The following RPS6KA5 variants were observed in gnomAD, a reference collection of about 807,000 sequenced individuals.
RPS6KA5 encodes the protein ribosomal protein S6 kinase A5.
A neutral mutation model predicts 85.5 loss-of-function variants in RPS6KA5; 27 were observed. The observed-to-expected ratio is 0.32, with a 90% CI of 0.23 to 0.44. The LOEUF (loss-of-function observed/expected upper bound fraction) is 0.44, where lower values mean the gene tolerates loss of function less well. Ranked by LOEUF, RPS6KA5 falls within the 20% of genes least tolerant of loss-of-function variation. The pLI, the probability that RPS6KA5 is intolerant of heterozygous loss-of-function variation, is 1.00. For synonymous variants in RPS6KA5, 334 were observed against 348.2 expected, an observed-to-expected ratio of 0.96 and a Z score of 0.46; for missense variants, 811 against 980.9, an observed-to-expected ratio of 0.83 and a Z score of 2.31.
At chr14:90,936,823 C>T (rs1160588554) in intron 5 of RPS6KA5, among the ~76,000 whole-genome samples, 3 of 151,936 alleles carry the variant, frequency 2.0e-5, no homozygotes, top group African/African-American at 7.3e-5. Context: ...TTTCCCAGAC[C>T]AAATGAGGCC....
intron 12 of RPS6KA5, among the ~76,000 whole-genome samples, 177 bp downstream of exon 12, chr14:90,899,152 G>A (rs1321462772): frequency 6.6e-6 from 1 of 152,074 alleles, no homozygotes; most frequent in East Asian, 1.9e-4. Flanking sequence ...TTGGGGTTGG[G>A]AAACAGTGTG....
intron 3 of RPS6KA5, among the ~76,000 whole-genome samples, chr14:90,948,538 T>C (rs916329667): frequency 1.3e-5 from 2 of 151,862 alleles, no homozygotes; most frequent in African/African-American, 4.8e-5. Context: ...CTACTAAAAA[T>C]ACAAAAATTA....
chr14:90,860,036 C>T lies in RPS6KA5; in HGVS notation c.*12038G>A, dbSNP rs2032465685. ...GTGACAGGTTGATGGGTGCAGCAAA[C>T]CACCAGGGCACGTGTATACCTATGT... is the stretch of plus-strand genomic sequence containing the variant. On this transcript the variant is annotated 3_prime_UTR_variant, in exon 17 of 17. Coordinates refer to ENST00000614987, the MANE Select transcript of RPS6KA5 (RefSeq NM_004755.4). 6.6e-6 allele frequency: 1 copy of T among 152,130 alleles called. No homozygotes were observed. The highest frequency in any genetic ancestry group is 2.4e-5 in the African/African-American group (1 of 41,400). 9.4% of individuals were successfully genotyped at this position (152,130 alleles called of 1,614,324 possible). A position where few individuals can be genotyped will look rare whatever the true frequency, so the allele number is the denominator to read the frequency against.
intron 3 of RPS6KA5, among the ~76,000 whole-genome samples, chr14:90,977,154 T>C (rs2039603068): frequency 6.6e-6 from 1 of 152,208 alleles, no homozygotes; most frequent in Non-Finnish European, 1.5e-5. Flanking sequence ...CCTAGTGTAA[T>C]GGCTGGCATA....
chr14:91,032,276 A>G (rs1164428598), intron 1 of RPS6KA5, among the ~76,000 whole-genome samples: 1 of 152,220 alleles, frequency 6.6e-6, no homozygotes, highest in Admixed American at 6.5e-5. Context: ...GCAAAAGCTA[A>G]AACACATTTA....
intron 5 of RPS6KA5, among the ~76,000 whole-genome samples, chr14:90,939,013 G>C (rs138565243): frequency 7.4e-4 from 113 of 152,234 alleles, no homozygotes; most frequent in African/African-American, 2.6e-3. Flanking sequence ...CAAATTTTCC[G>C]AACTTTTATG....
At chr14:90,974,790 A>T (rs1020576383) in intron 3 of RPS6KA5, among the ~76,000 whole-genome samples, 1 of 152,262 alleles carries the variant, frequency 6.6e-6, no homozygotes, top group Non-Finnish European at 1.5e-5. Flanking sequence ...GAGTGAGCCC[A>T]GGCTAACCAT....
At chr14:91,009,960 T>C (rs1031796479) in intron 1 of RPS6KA5, among the ~76,000 whole-genome samples, 2 of 150,380 alleles carry the variant, frequency 1.3e-5, no homozygotes, top group African/African-American at 4.9e-5. Context: ...AAAAGAAGTA[T>C]CAATGCAGTC....
Position 90,936,562 on chromosome 14 carries a change from A to G in RPS6KA5, c.618+6516T>C, listed in dbSNP as rs576466007. On this transcript the variant is annotated intron_variant, in intron 5 of 16. Coordinates refer to ENST00000614987, the MANE Select transcript of RPS6KA5 (RefSeq NM_004755.4). ...CCAAGACCCCATCTTTTAAAAAAAA[A>G]ATACAAAAACAAAAAACCCAGAAAT... Among the ~76,000 whole-genome samples the G allele has an allele frequency of 1.1e-4, 16 of 152,262 alleles. No homozygotes were observed. The South Asian group carries it at 3.3e-3, about 32-fold the overall frequency.
At chr14:91,007,404 G>A (rs1445388802) in intron 1 of RPS6KA5, among the ~76,000 whole-genome samples, 1 of 152,144 alleles carries the variant, frequency 6.6e-6, no homozygotes, top group Non-Finnish European at 1.5e-5. Context: ...TTAAATATTA[G>A]TAAATTTGGA....
chr14:90,941,996 T>C (rs1157941775), intron 5 of RPS6KA5, among the ~76,000 whole-genome samples: 1 of 152,222 alleles, frequency 6.6e-6, no homozygotes, highest in African/African-American at 2.4e-5. Context: ...ATAACTACGA[T>C]ATTTGTATCA....
rs969345681 is a variant in RPS6KA5, at chr14:90,850,641, T to C, written c.*21433A>G. On this transcript the variant is annotated 3_prime_UTR_variant, in exon 17 of 17. Coordinates refer to ENST00000614987, the MANE Select transcript of RPS6KA5 (RefSeq NM_004755.4). ...AAGTAGTGAGGTAGCAGCCCCCACT[T>C]TCCCAAAAAGTTTTCAGGAAAAGGC... The C allele has an allele frequency of 6.6e-6, 1 of 152,212 alleles. No individual in the cohort carries two copies. Among genetic ancestry groups the C allele is most frequent in the African/African-American group, 2.4e-5 (1 of 41,468 alleles). 9.4% of individuals were successfully genotyped at this position (152,212 alleles called of 1,614,324 possible).
In RPS6KA5 at chr14:90,890,526, G is replaced by A. The variant is rs936278757; in HGVS notation, c.1797C>T (p.Tyr599=). Residue 599 remains tyrosine, a synonymous_variant, in exon 14 of 17, where the codon TAC becomes TAT. Transcript: ENST00000614987. ...AGCTCCACAGGTCACAGGACTCATCGTAGCCGTTCTGATTCAAGAGCTCTG... is the reference window on the plus strand; with the variant it reads ...AGCTCCACAGGTCACAGGACTCATCATAGCCGTTCTGATTCAAGAGCTCTG... ...AAPELLNQNG[Y]DESCDLWSLG... 5 of 1,613,894 alleles carry A rather than the reference G, an allele frequency of 3.1e-6. No individual in the cohort carries two copies. Among genetic ancestry groups the A allele is most frequent in the African/African-American group, 2.7e-5 (2 of 74,914 alleles).
intron 5 of RPS6KA5, among the ~76,000 whole-genome samples, chr14:90,927,379 T>C (rs1370805482): frequency 1.3e-5 from 2 of 152,024 alleles, no homozygotes; most frequent in South Asian, 2.1e-4. Context: ...AATCATAATA[T>C]ACAGGTATCA....
rs180711991 is a variant in RPS6KA5, at chr14:90,879,900, C to T, written c.1837-4540G>A. Among the ~76,000 whole-genome samples, 20 of 151,768 alleles carry T rather than the reference C, an allele frequency of 1.3e-4. No homozygotes were observed. In the East Asian group the frequency reaches 3.7e-3, roughly 28 times the overall value. Reference sequence around the variant, plus strand: ...CTGAGTTCAGGCAATTCTCCTGCCTCACTCTCTCAAGTAGCTGGGATTACA... The same window carrying T: ...CTGAGTTCAGGCAATTCTCCTGCCTTACTCTCTCAAGTAGCTGGGATTACA... On this transcript the variant is annotated intron_variant, in intron 14 of 16. Transcript: ENST00000614987.
chr14:90,957,880 G>C (rs965075116), intron 3 of RPS6KA5, among the ~76,000 whole-genome samples: 1 of 151,232 alleles, frequency 6.6e-6, no homozygotes, highest in Non-Finnish European at 1.5e-5. Flanking sequence ...GGTGACTCAT[G>C]CATGAAATCT....
At chr14:90,930,022 C>G (rs2036887977) in intron 5 of RPS6KA5, among the ~76,000 whole-genome samples, 1 of 152,098 alleles carries the variant, frequency 6.6e-6, no homozygotes, top group South Asian at 2.1e-4. Flanking sequence ...AGGCATGCAC[C>G]AACACACTCA....
At chr14:90,991,701 C>CAAAAAA (rs57545603) in intron 2 of RPS6KA5, among the ~76,000 whole-genome samples, 15 of 85,924 alleles carry the variant, frequency 1.7e-4, no homozygotes, top group Admixed American at 5.6e-4. Flanking sequence ...GACTCCATCT[C>CAAAAAA]AAAAAAAAAA....
At chr14:90,901,763 G>C (rs2140232487) in intron 9 of RPS6KA5, among the ~76,000 whole-genome samples, 1 of 152,324 alleles carries the variant, frequency 6.6e-6, no homozygotes, top group Middle Eastern at 3.4e-3. Flanking sequence ...TTAATAGTTA[G>C]AATATTTTAT....
Sources: gnomAD v4.1 joint callset for allele counts (sites outside exome capture counted in the v4.1 genomes callset) on GRCh38, gnomAD v4.1.1 for gene constraint, MANE v1.5 for transcripts, NCBI Gene and HGNC (gene_info 2026-07-23, HGNC 2026-07-21) for gene names.